Variants in PPIF observed in about 807,000 individuals in gnomAD.
The protein encoded by PPIF is peptidylprolyl isomerase F.
In PPIF, 23 loss-of-function variants were observed where a neutral mutation model predicts 20.2. The ratio of observed to expected loss-of-function variants is 1.14; its 90% confidence interval spans 0.82 to 1.61. The LOEUF (loss-of-function observed/expected upper bound fraction) is 1.61. Among genes scored for constraint, PPIF ranks in the 40% most tolerant of loss-of-function variants. The probability of loss-of-function intolerance (pLI) is 0.00; values close to 1 mark genes in which losing one functional copy is unlikely to be tolerated. For synonymous variants in PPIF, 113 were observed against 123.1 expected (o/e 0.92, Z 0.54); for missense variants, 287 against 291.6 (o/e 0.98, Z 0.11).
chr10:79,348,068 GA>G (rs1274660565), intron 1 of PPIF, among the ~76,000 whole-genome samples: 1 of 152,156 alleles, frequency 6.6e-6, no homozygotes, highest in Admixed American at 6.5e-5. Context: ...GCTGAGCCTA[GA>G]TCCGGAGCTC....
Position 79,347,472 on chromosome 10 carries a change from C to T in PPIF, c.-77C>T. On this transcript the variant is annotated 5_prime_UTR_variant, in exon 1 of 6. Coordinates refer to ENST00000225174, the MANE Select transcript of PPIF (RefSeq NM_005729.4). ...CTGCGGCGCGCGGCTGCGCGGGACT[C>T]GGCCTTCTGGGCGCGCGCGACGTCA... is the stretch of plus-strand genomic sequence containing the variant. 3 of 1,249,406 alleles carry T rather than the reference C, an allele frequency of 2.4e-6. No homozygotes were observed. Among genetic ancestry groups the T allele is most frequent in the Non-Finnish European group, 3.0e-6 (3 of 997,396 alleles). 77.4% of individuals were successfully genotyped at this position (1,249,406 alleles called of 1,614,324 possible).
At chr10:79,353,648 C>T (rs1460649037) in intron 5 of PPIF, 59 bp from the exon 6 acceptor site, 1 of 1,613,386 alleles carries the variant, frequency 6.2e-7, no homozygotes, top group Non-Finnish European at 8.5e-7. Context: ...TGACCAGGTC[C>T]ATGGCATTGG....
At position 79,351,425 on chromosome 10, in the gene PPIF, G is replaced by A. The variant is rs982732294; in HGVS notation, c.316-62G>A. 2.3e-5 allele frequency: 35 copies of A among 1,549,896 alleles called. 1 individual carries two copies. The highest frequency in any genetic ancestry group is 3.4e-5 in the Admixed American group (2 of 58,404). The stretch of plus-strand genomic sequence containing the variant: ...TGGGTGGGCTGAGGCTGCTGCCAGC[G>A]CCAGGGCCGTGGCCCCCGCCTGCTC... On this transcript the variant is annotated intron_variant, in intron 3 of 5. Coordinates refer to ENST00000225174, the MANE Select transcript of PPIF (RefSeq NM_005729.4).
At chr10:79,349,375 T>C (rs1359511746) in intron 2 of PPIF, among the ~76,000 whole-genome samples, 1 of 152,240 alleles carries the variant, frequency 6.6e-6, no homozygotes, top group Non-Finnish European at 1.5e-5. Context: ...TCCCCACTCC[T>C]GGTGCCCAGT....
At chr10:79,351,426 C>A in intron 3 of PPIF, 61 bp from the exon 4 acceptor site, 1 of 1,559,704 alleles carries the variant, frequency 6.4e-7, no homozygotes. Flanking sequence ...GCTGCCAGCG[C>A]CAGGGCCGTG....
intron 3 of PPIF, 29 bp downstream of exon 3, chr10:79,349,782 G>T: frequency 6.2e-7 from 1 of 1,613,484 alleles, no homozygotes; most frequent in South Asian, 1.1e-5. Flanking sequence ...CTGTAAGGGG[G>T]GATGAGAGCA....
rs1044003004 is a variant in PPIF at position 79,349,054 on chromosome 10, T to G, written c.196-22T>G. ...TGCCTCTCCAATGACCATCCTCTTT[T>G]GTCCTTCTTCTCCCCCAACAGCTGA... is the stretch of plus-strand genomic sequence containing the variant. On this transcript the variant is annotated intron_variant, in intron 1 of 5. Coordinates refer to ENST00000225174, the MANE Select transcript of PPIF (RefSeq NM_005729.4). 3.7e-6 allele frequency: 6 copies of G among 1,613,790 alleles called. No individual in the cohort carries two copies. In the East Asian group the frequency reaches 1.3e-4, roughly 36 times the overall value.
Position 79,353,816 on chromosome 10 carries a change from A to G in PPIF, c.598A>G (p.Ile200Val). The G allele has an allele frequency of 1.9e-6, 3 of 1,614,260 alleles. No individual in the cohort carries two copies. The South Asian group carries it at 3.3e-5, about 18-fold the overall frequency. The change falls in exon 6 of 6, where the codon ATC becomes GTC. Residue 200 changes from isoleucine (I) to valine (V), a missense_variant. Transcript: ENST00000225174. ...TGGGAGGACATCCAAGAAGATTGTCATCACAGACTGTGGCCAGTTGAGCTA... is the reference window on the plus strand; with the variant it reads ...TGGGAGGACATCCAAGAAGATTGTCGTCACAGACTGTGGCCAGTTGAGCTA... ...KSGRTSKKIV[I>V]TDCGQLS
intron 4 of PPIF, 160 bp downstream of exon 4, chr10:79,351,743 T>C (rs1375534833): frequency 3.2e-6 from 2 of 628,496 alleles, no homozygotes; most frequent in Non-Finnish European, 5.3e-6. Context: ...TCTGGCTTGT[T>C]GAGTTTCCCT....
chr10:79,349,573 G>A, intron 2 of PPIF, 92 bp from the exon 3 acceptor site: 2 of 1,569,170 alleles, frequency 1.3e-6, no homozygotes. Flanking sequence ...CCTGTTCACT[G>A]CTGGGGATGT....
At chr10:79,349,360 A>G (rs1855947198) in intron 2 of PPIF, among the ~76,000 whole-genome samples, 1 of 152,166 alleles carries the variant, frequency 6.6e-6, no homozygotes, top group South Asian at 2.1e-4. Context: ...AATTTCCCGG[A>G]GACTTCCCCA....
At chr10:79,351,111 A>G (rs534580081) in intron 3 of PPIF, among the ~76,000 whole-genome samples, 11 of 152,308 alleles carry the variant, frequency 7.2e-5, no homozygotes, top group Non-Finnish European at 1.6e-4. Context: ...CCCACAGACT[A>G]GACTCGGGAA....
chr10:79,353,574 G>T lies in PPIF; in HGVS notation c.489-133G>T, dbSNP rs529807030. ...CTCAACAAGGCTTGATCGAGCTTTG[G>T]GGGTAGATCTAGCTATTCCATGGGG... On this transcript the variant is annotated intron_variant, in intron 5 of 5. Transcript: ENST00000225174. 39 of 1,505,152 alleles carry T rather than the reference G, an allele frequency of 2.6e-5. No individual in the cohort carries two copies. In the African/African-American group the frequency reaches 4.5e-4, roughly 18 times the overall value. The allele number at this position is 1,505,152 out of a possible 1,614,324, so 93.2% of individuals were successfully genotyped here.
In PPIF at chr10:79,354,026, C is replaced by G. The variant is rs1405553874; in HGVS notation, c.*184C>G. 6.3e-6 allele frequency: 4 copies of G among 634,380 alleles called. No individual in the cohort carries two copies. The highest frequency in any genetic ancestry group is 8.1e-6 in the Non-Finnish European group (3 of 370,794). The allele number at this position is 634,380 out of a possible 1,614,324, so 39.3% of individuals were successfully genotyped here. A position where few individuals can be genotyped will look rare whatever the true frequency, so the allele number is the denominator to read the frequency against. On this transcript the variant is annotated 3_prime_UTR_variant, in exon 6 of 6. Coordinates refer to ENST00000225174, the MANE Select transcript of PPIF (RefSeq NM_005729.4). ...GGACCCACCACATTGCTTCCTAATA[C>G]CCACCCTTCCTCACGACCTCATTTC...
At chr10:79,349,640 A>C in intron 2 of PPIF, 25 bp from the exon 3 acceptor site, 1 of 1,612,402 alleles carries the variant, frequency 6.2e-7, no homozygotes, top group Non-Finnish European at 8.5e-7. Context: ...GGCCCTGTTG[A>C]CCTGTGTTTC....
At chr10:79,349,527 G>T in intron 2 of PPIF, 138 bp from the exon 3 acceptor site, 1 of 1,468,568 alleles carries the variant, frequency 6.8e-7, no homozygotes. Context: ...GAGTTGGGCA[G>T]AGCAGACCCA....
In PPIF at chr10:79,354,682, C is replaced by T. The variant is rs1033020134; in HGVS notation, c.*840C>T. ...TTTCTGGAACATGGATTTGTGTTCA[C>T]CTTAAATGTGAAAATAAATCCTATT... is the stretch of plus-strand genomic sequence containing the variant. On this transcript the variant is annotated 3_prime_UTR_variant, in exon 6 of 6. Transcript: ENST00000225174. 2.6e-5 allele frequency: 4 copies of T among 152,702 alleles called. No homozygotes were observed. Among genetic ancestry groups the T allele is most frequent in the African/African-American group, 4.8e-5 (2 of 41,408 alleles). The allele number at this position is 152,702 out of a possible 1,614,324, so 9.5% of individuals were successfully genotyped here. A position where few individuals can be genotyped will look rare whatever the true frequency, so the allele number is the denominator to read the frequency against.
In PPIF at chr10:79,354,006, C is replaced by G. The variant is rs1314851780; in HGVS notation, c.*164C>G. 1.5e-5 allele frequency: 11 copies of G among 736,586 alleles called. No homozygotes were observed. Among genetic ancestry groups the G allele is most frequent in the Non-Finnish European group, 2.2e-5 (10 of 458,348 alleles). 45.6% of individuals were successfully genotyped at this position (736,586 alleles called of 1,614,324 possible). A position where few individuals can be genotyped will look rare whatever the true frequency, so the allele number is the denominator to read the frequency against. On this transcript the variant is annotated 3_prime_UTR_variant, in exon 6 of 6. Coordinates refer to ENST00000225174, the MANE Select transcript of PPIF (RefSeq NM_005729.4). ...GGGATGTTAGACCTCGGCCAGGACC[C>G]ACCACATTGCTTCCTAATACCCACC...
At chr10:79,352,260 C>A in intron 4 of PPIF, 57 bp from the exon 5 acceptor site, 2 of 1,509,890 alleles carry the variant, frequency 1.3e-6, no homozygotes, top group Non-Finnish European at 1.8e-6. Flanking sequence ...CTTTCAAATG[C>A]CCTCCCAGGC....
Sources: allele counts gnomAD v4.1 joint callset (sites outside exome capture counted in the v4.1 genomes callset), GRCh38; gene constraint gnomAD v4.1.1; transcripts MANE v1.5; gene names NCBI Gene and HGNC (gene_info 2026-07-23, HGNC 2026-07-21).